The following KLHL1 variants were observed in gnomAD, a reference collection of about 807,000 sequenced individuals.
The protein encoded by KLHL1 is kelch-like protein 1.
In KLHL1, 47 loss-of-function variants were observed where a neutral mutation model predicts 77.7. The ratio of observed to expected loss-of-function variants is 0.60; its 90% confidence interval spans 0.48 to 0.77. The LOEUF is 0.77. Among genes scored for constraint, KLHL1 ranks in the 30% least tolerant of loss-of-function variants. The probability of loss-of-function intolerance (pLI) is 0.00; values close to 1 mark genes in which losing one functional copy is unlikely to be tolerated. For missense variants in KLHL1, 925 were observed against 910.8 expected (o/e 1.02, Z -0.20); for synonymous variants, 360 against 325.2 (o/e 1.11, Z -1.15).
intron 1 of KLHL1, among the ~76,000 whole-genome samples, chr13:70,084,810 T>C (rs370474317): frequency 1.3e-5 from 2 of 151,628 alleles, no homozygotes; most frequent in East Asian, 3.9e-4. Context: ...CTTCAAACCA[T>C]GATTAAAATT....
chr13:69,994,046 G>A (rs1335087340), intron 1 of KLHL1, among the ~76,000 whole-genome samples: 1 of 151,874 alleles, frequency 6.6e-6, no homozygotes, highest in Non-Finnish European at 1.5e-5. Flanking sequence ...GATTGAGAAT[G>A]TACAAAGGAC....
rs1882566430 is a variant in KLHL1, at chr13:69,919,622, AATAGGAAGTTAAGG to A, written c.1014+20404_1014+20417del. Among the ~76,000 whole-genome samples, 2 of 152,022 alleles carry A rather than the reference AATAGGAAGTTAAGG, an allele frequency of 1.3e-5. 1 individual carries two copies. Among genetic ancestry groups the A allele is most frequent in the South Asian group, 4.1e-4 (2 of 4,820 alleles). Reference sequence around the variant, plus strand: ...TATGGCCAGCCTTGTCCAGAGGTCTAATAGGAAGTTAAGGATAGGGTTCTGAGATTTCAACCTTG... The same window carrying A: ...TATGGCCAGCCTTGTCCAGAGGTCTAATAGGGTTCTGAGATTTCAACCTTG... On this transcript the variant is annotated intron_variant, in intron 4 of 10. Transcript: ENST00000377844.
chr13:70,033,241 G>A (rs1886150070), intron 1 of KLHL1, among the ~76,000 whole-genome samples: 1 of 152,108 alleles, frequency 6.6e-6, no homozygotes, highest in African/African-American at 2.4e-5. Context: ...ACTAAGCCTA[G>A]TAGTAGGGAC....
chr13:69,932,493 T>G (rs1490949447), intron 4 of KLHL1, among the ~76,000 whole-genome samples: 1 of 151,912 alleles, frequency 6.6e-6, no homozygotes, highest in Non-Finnish European at 1.5e-5. Context: ...CTTAAATGAT[T>G]GAAATCATTA....
chr13:70,038,404 T>C lies in KLHL1; in HGVS notation c.498-62602A>G, dbSNP rs569929903. On this transcript the variant is annotated intron_variant, in intron 1 of 10. Coordinates refer to ENST00000377844, the MANE Select transcript of KLHL1 (RefSeq NM_020866.3). ...TATGTAGACATGAGTATTCAGTTTTTACTGATAAATGTCCTGGAGGGCAAT... is the reference window on the plus strand; with the variant it reads ...TATGTAGACATGAGTATTCAGTTTTCACTGATAAATGTCCTGGAGGGCAAT... 1.7e-3 allele frequency among the ~76,000 whole-genome samples: 254 copies of C among 152,266 alleles called. 1 individual carries two copies. The highest frequency in any genetic ancestry group is 6.0e-3 in the African/African-American group (248 of 41,556).
At chr13:69,738,420 G>T (rs1240600547) in intron 8 of KLHL1, among the ~76,000 whole-genome samples, 6 of 152,076 alleles carry the variant, frequency 3.9e-5, no homozygotes, top group African/African-American at 1.4e-4. Context: ...AGAGAAGCAG[G>T]CTTCAGAAGA....
At chr13:69,787,539 C>T (rs1876621174) in intron 7 of KLHL1, among the ~76,000 whole-genome samples, 1 of 152,144 alleles carries the variant, frequency 6.6e-6, no homozygotes, top group South Asian at 2.1e-4. Context: ...ACATGTTAGA[C>T]CTAAAACCAT....
chr13:69,957,383 G>C (rs1883924449), intron 3 of KLHL1, among the ~76,000 whole-genome samples: 1 of 151,588 alleles, frequency 6.6e-6, no homozygotes, highest in Non-Finnish European at 1.5e-5. Context: ...TATTCTATCA[G>C]TTTTCTATAC....
At chr13:69,743,523 G>A (rs972269925) in intron 7 of KLHL1, among the ~76,000 whole-genome samples, 1 of 152,126 alleles carries the variant, frequency 6.6e-6, no homozygotes, top group African/African-American at 2.4e-5. Flanking sequence ...GGTGGCTCAC[G>A]CCAGTAATCC....
chr13:69,857,843 T>A (rs1327496444), intron 5 of KLHL1, among the ~76,000 whole-genome samples: 1 of 151,414 alleles, frequency 6.6e-6, no homozygotes, highest in African/African-American at 2.4e-5. Context: ...ACTTAAAGTA[T>A]AATATAAAAA....
intron 4 of KLHL1, among the ~76,000 whole-genome samples, chr13:69,890,588 TTC>T (rs1881388649): frequency 1.3e-5 from 2 of 151,880 alleles, no homozygotes; most frequent in South Asian, 4.1e-4. Flanking sequence ...TCAATTACTA[TTC>T]TGTTTATCAC....
chr13:69,994,072 G>C (rs1471656512), intron 1 of KLHL1, among the ~76,000 whole-genome samples: 1 of 151,972 alleles, frequency 6.6e-6, no homozygotes, highest in African/African-American at 2.4e-5. Flanking sequence ...ATAAGCTTAG[G>C]GCCTATGACT....
chr13:69,984,162 G>T (rs1487188459), intron 1 of KLHL1, among the ~76,000 whole-genome samples: 2 of 152,042 alleles, frequency 1.3e-5, no homozygotes, highest in African/African-American at 2.4e-5. Flanking sequence ...AAGCGGGAAT[G>T]GTATAGGAGT....
chr13:69,960,678 C>T (rs1884034479), intron 3 of KLHL1, among the ~76,000 whole-genome samples: 1 of 21,628 alleles, frequency 4.6e-5, no homozygotes, highest in Admixed American at 4.4e-4. Context: ...TCTACAAATA[C>T]AATTAATACT....
At chr13:70,052,611 T>G (rs564670536) in intron 1 of KLHL1, among the ~76,000 whole-genome samples, 1 of 151,950 alleles carries the variant, frequency 6.6e-6, no homozygotes, top group Non-Finnish European at 1.5e-5. Context: ...GCTAATTTTA[T>G]GTGCCCATAT....
intron 3 of KLHL1, among the ~76,000 whole-genome samples, chr13:69,960,596 C>T (rs1468785954): frequency 6.6e-6 from 1 of 151,966 alleles, no homozygotes; most frequent in Non-Finnish European, 1.5e-5. Context: ...ACATTTATGT[C>T]CTCATCTACA....
intron 9 of KLHL1, among the ~76,000 whole-genome samples, chr13:69,712,078 A>C (rs1875902708): frequency 1.3e-5 from 2 of 152,050 alleles, no homozygotes; most frequent in African/African-American, 4.8e-5. Context: ...TTTAAAAATG[A>C]TATCTAGAAT....
At chr13:69,886,782 T>C (rs1405277224) in intron 4 of KLHL1, among the ~76,000 whole-genome samples, 1 of 152,206 alleles carries the variant, frequency 6.6e-6, no homozygotes, top group Non-Finnish European at 1.5e-5. Flanking sequence ...TCTACTGAGT[T>C]AAGACTTATG....
At chr13:69,965,247 CA>C (rs1272404688) in intron 2 of KLHL1, among the ~76,000 whole-genome samples, 1 of 152,102 alleles carries the variant, frequency 6.6e-6, no homozygotes. Flanking sequence ...CCATCAAAAC[CA>C]GTTTTCCAAC....
Sources: gnomAD v4.1 joint callset for allele counts (sites outside exome capture counted in the v4.1 genomes callset) on GRCh38, gnomAD v4.1.1 for gene constraint, MANE v1.5 for transcripts, NCBI Gene and HGNC (gene_info 2026-07-23, HGNC 2026-07-21) for gene names.